GTF2F2: variants seen among roughly 807,000 people sequenced by gnomAD.
GTF2F2 encodes general transcription factor IIF subunit 2.
In GTF2F2, 23 loss-of-function variants were observed where a neutral mutation model predicts 42.2. The observed-to-expected ratio is 0.55, with a 90% CI of 0.39 to 0.77. The LOEUF (loss-of-function observed/expected upper bound fraction) is 0.77. GTF2F2 is among the 30% of genes least tolerant of loss of function. The pLI is 0.00. For synonymous variants in GTF2F2, 105 were observed against 100.8 expected (o/e 1.04, Z -0.25); for missense variants, 261 against 287.2 (o/e 0.91, Z 0.66).
At chr13:45,245,188 A>G (rs985484646) in intron 5 of GTF2F2, among the ~76,000 whole-genome samples, 2 of 152,168 alleles carry the variant, frequency 1.3e-5, no homozygotes, top group Non-Finnish European at 2.9e-5. Context: ...TTTCAAGTAA[A>G]ATGTGGTGAA....
chr13:45,124,108 G>C lies in GTF2F2; in HGVS notation c.66+3387G>C. ...AGGAAATGAACTTGACAAAGTGGTC[G>C]TTGAGGGCAATGCCAGCCCCAGCAT... On this transcript the variant is annotated intron_variant, in intron 1 of 7. Coordinates refer to ENST00000340473, the MANE Select transcript of GTF2F2 (RefSeq NM_004128.3). 3 of 766,452 alleles carry C rather than the reference G, an allele frequency of 3.9e-6. No homozygotes were observed. The Admixed American group carries it at 5.3e-5, about 14-fold the overall frequency. 47.5% of individuals were successfully genotyped at this position (766,452 alleles called of 1,614,324 possible).
rs879004449 is a variant in GTF2F2 at position 45,120,703 on chromosome 13, A to G, written c.48A>G (p.Thr16=). The part of the protein sequence containing the change: ...ELDLTGAKQN[T]GVWLVKVPKY... ...ACTTGACCGGCGCCAAACAGAACAC[A>G]GGAGTGTGGCTAGTCAAGGTAATGT... is the stretch of plus-strand genomic sequence containing the variant. The change falls in exon 1 of 8, where the codon ACA becomes ACG. Residue 16 remains threonine (T), a synonymous_variant. Transcript: ENST00000340473. The G allele has an allele frequency of 9.6e-6, 15 of 1,560,556 alleles. No homozygotes were observed. The highest frequency in any genetic ancestry group is 2.7e-5 in the African/African-American group (2 of 73,904).
intron 1 of GTF2F2, among the ~76,000 whole-genome samples, chr13:45,134,514 T>A (rs1402217438): frequency 6.6e-6 from 1 of 152,166 alleles, no homozygotes; most frequent in African/African-American, 2.4e-5. Context: ...TGGAATTTTT[T>A]GTTATTTGGC....
At chr13:45,203,378 C>G (rs1352381907) in intron 4 of GTF2F2, among the ~76,000 whole-genome samples, 1 of 152,084 alleles carries the variant, frequency 6.6e-6, no homozygotes, top group Non-Finnish European at 1.5e-5. Context: ...AGCCACTGCA[C>G]CTGGCCCCAT....
At chr13:45,164,824 A>G (rs1220547558) in intron 4 of GTF2F2, among the ~76,000 whole-genome samples, 1 of 152,220 alleles carries the variant, frequency 6.6e-6, no homozygotes, top group Non-Finnish European at 1.5e-5. Flanking sequence ...AAGTTGCATC[A>G]CAGCAGAATG....
At chr13:45,154,183 C>CT (rs370034627) in intron 4 of GTF2F2, among the ~76,000 whole-genome samples, 10 of 151,628 alleles carry the variant, frequency 6.6e-5, no homozygotes, top group Admixed American at 3.9e-4. Context: ...GAAACTTGAA[C>CT]TTTTTTTTGT....
chr13:45,145,806 C>T (rs1019819410), intron 2 of GTF2F2, among the ~76,000 whole-genome samples: 3 of 152,168 alleles, frequency 2.0e-5, no homozygotes, highest in Non-Finnish European at 4.4e-5. Context: ...CCTCAGTGTG[C>T]TGCCACTTTT....
intron 5 of GTF2F2, among the ~76,000 whole-genome samples, chr13:45,242,841 A>G (rs1293494856): frequency 6.6e-6 from 1 of 152,190 alleles, no homozygotes; most frequent in Non-Finnish European, 1.5e-5. Context: ...TAAATGGAGG[A>G]TTTATTGACT....
chr13:45,236,232 A>G (rs1183937726), intron 5 of GTF2F2, among the ~76,000 whole-genome samples: 2 of 152,156 alleles, frequency 1.3e-5, no homozygotes, highest in African/African-American at 4.8e-5. Flanking sequence ...ACATACCATC[A>G]TGGGACTCTG....
intron 2 of GTF2F2, among the ~76,000 whole-genome samples, chr13:45,139,532 C>T (rs1196882071): frequency 1.3e-5 from 2 of 152,100 alleles, no homozygotes; most frequent in Non-Finnish European, 2.9e-5. Context: ...CATTTCTTTT[C>T]GGTCTCTGTT....
At chr13:45,185,025 G>A (rs1451352932) in intron 4 of GTF2F2, among the ~76,000 whole-genome samples, 1 of 152,034 alleles carries the variant, frequency 6.6e-6, no homozygotes, top group African/African-American at 2.4e-5. Flanking sequence ...GTTTTGCCAT[G>A]TTGCCTAGGC....
rs561274204 is a variant in GTF2F2 at position 45,204,198 on chromosome 13, G to A, written c.305-3226G>A. ...TTTGTGTATATTTATGGTATATAAC[G>A]TGATGTTTTGATATATGTATATGTG... On this transcript the variant is annotated intron_variant, in intron 4 of 7. Transcript: ENST00000340473. Among the ~76,000 whole-genome samples the A allele has an allele frequency of 1.7e-4, 26 of 151,952 alleles. 1 individual carries two copies. Among genetic ancestry groups the A allele is most frequent in the African/African-American group, 4.3e-4 (18 of 41,430 alleles).
chr13:45,207,320 A>G (rs1873456587), intron 4 of GTF2F2, 104 bp from the exon 5 acceptor site: 1 of 661,068 alleles, frequency 1.5e-6, no homozygotes. Flanking sequence ...TTGATTTTTG[A>G]TATTAATTAT....
intron 7 of GTF2F2, among the ~76,000 whole-genome samples, chr13:45,276,059 A>G (rs759189011): frequency 5.3e-5 from 8 of 152,230 alleles, no homozygotes; most frequent in Admixed American, 5.2e-4. Context: ...TAATTGTTAT[A>G]CTATATTGCT....
chr13:45,165,907 A>G (rs1242501799), intron 4 of GTF2F2, among the ~76,000 whole-genome samples: 1 of 140,446 alleles, frequency 7.1e-6, no homozygotes, highest in Non-Finnish European at 1.5e-5. Context: ...TCTGTCTCCC[A>G]GGTTCAAGTG....
chr13:45,159,980 C>CT (rs1275950938), intron 4 of GTF2F2, among the ~76,000 whole-genome samples: 1 of 152,174 alleles, frequency 6.6e-6, no homozygotes, highest in Non-Finnish European at 1.5e-5. Flanking sequence ...GAATTACACT[C>CT]TGTTTCCTGA....
intron 5 of GTF2F2, among the ~76,000 whole-genome samples, chr13:45,241,443 A>AG (rs1381773751): frequency 1.3e-5 from 2 of 152,162 alleles, no homozygotes; most frequent in Non-Finnish European, 2.9e-5. Context: ...CTGCAATGGT[A>AG]GAAGTGTGTT....
intron 4 of GTF2F2, among the ~76,000 whole-genome samples, chr13:45,170,674 T>G (rs889139253): frequency 6.6e-6 from 1 of 152,176 alleles, no homozygotes; most frequent in Non-Finnish European, 1.5e-5. Flanking sequence ...CTGGAAAATA[T>G]AGAGAATCTG....
intron 5 of GTF2F2, among the ~76,000 whole-genome samples, chr13:45,243,291 GCAGAGGGCAAGTGAA>G (rs1875413418): frequency 6.6e-6 from 1 of 152,212 alleles, no homozygotes; most frequent in Non-Finnish European, 1.5e-5. Context: ...GGTGGAGTGA[GCAGAGGGCAAGTGAA>G]CATTACTGCC....
Sources: allele counts gnomAD v4.1 joint callset (sites outside exome capture counted in the v4.1 genomes callset), GRCh38; gene constraint gnomAD v4.1.1; transcripts MANE v1.5; gene names NCBI Gene and HGNC (gene_info 2026-07-23, HGNC 2026-07-21).